The following CNTNAP2 variants were observed in gnomAD, a reference collection of about 807,000 sequenced individuals.
CNTNAP2 encodes the protein contactin associated protein 2.
Under a neutral mutation model 155.2 loss-of-function variants are expected in CNTNAP2, and 98 were observed. The observed-to-expected ratio is 0.63, with a 90% CI of 0.54 to 0.75. The LOEUF (loss-of-function observed/expected upper bound fraction) is 0.75. Ranked by LOEUF, CNTNAP2 falls within the 30% of genes least tolerant of loss-of-function variation. The pLI, the probability that CNTNAP2 is intolerant of heterozygous loss-of-function variation, is 0.00. For missense variants in CNTNAP2, 1,727 were observed against 1,688.1 expected (o/e 1.02, Z -0.40); for synonymous variants, 651 against 631.2 (o/e 1.03, Z -0.47).
chr7:146,958,527 C>G (rs1797487250), intron 3 of CNTNAP2, among the ~76,000 whole-genome samples: 1 of 150,280 alleles, frequency 6.7e-6, no homozygotes, highest in African/African-American at 2.5e-5. Flanking sequence ...CATTCTCCTG[C>G]CTCAGCCTCC....
intron 1 of CNTNAP2, among the ~76,000 whole-genome samples, chr7:146,770,078 A>G (rs1802265783): frequency 6.6e-6 from 1 of 152,168 alleles, no homozygotes; most frequent in South Asian, 2.1e-4. Flanking sequence ...CTCAACTAAC[A>G]ACAACCCTAC....
chr7:148,012,408 G>A (rs1041035542), intron 15 of CNTNAP2, among the ~76,000 whole-genome samples: 2 of 152,192 alleles, frequency 1.3e-5, no homozygotes, highest in African/African-American at 2.4e-5. Context: ...TGGGGAGATG[G>A]AGAAATGGAA....
chr7:148,241,033 C>T (rs965378393), intron 20 of CNTNAP2, among the ~76,000 whole-genome samples: 6 of 152,180 alleles, frequency 3.9e-5, no homozygotes, highest in Non-Finnish European at 7.4e-5. Flanking sequence ...AACACCCTCA[C>T]AGACACACCC....
At chr7:147,342,615 C>T (rs901938093) in intron 9 of CNTNAP2, among the ~76,000 whole-genome samples, 2 of 152,242 alleles carry the variant, frequency 1.3e-5, no homozygotes, top group African/African-American at 4.8e-5. Flanking sequence ...ATCAGTGAAA[C>T]CCGTAGCAAT....
At chr7:147,270,580 T>G (rs902061574) in intron 8 of CNTNAP2, among the ~76,000 whole-genome samples, 1 of 152,186 alleles carries the variant, frequency 6.6e-6, no homozygotes, top group Non-Finnish European at 1.5e-5. Context: ...TGTATGTACA[T>G]CGCCACCCAC....
intron 13 of CNTNAP2, among the ~76,000 whole-genome samples, chr7:147,751,300 C>T (rs953046295): frequency 2.0e-5 from 3 of 148,698 alleles, no homozygotes; most frequent in Non-Finnish European, 3.0e-5. Flanking sequence ...GTGGTTTTAA[C>T]CAAATCTCAA....
chr7:148,214,800 G>A (rs1476444275), intron 18 of CNTNAP2, among the ~76,000 whole-genome samples: 5 of 152,166 alleles, frequency 3.3e-5, no homozygotes, highest in Admixed American at 6.5e-5. Context: ...CAGTCTCCTG[G>A]CCTCGTGATC....
At chr7:148,262,715 A>T (rs1037025477) in intron 20 of CNTNAP2, among the ~76,000 whole-genome samples, 1 of 152,118 alleles carries the variant, frequency 6.6e-6, no homozygotes, top group Non-Finnish European at 1.5e-5. Flanking sequence ...ACATCTGTAA[A>T]GCCCCTCTTG....
chr7:147,866,774 G>A (rs1436233157), intron 13 of CNTNAP2, among the ~76,000 whole-genome samples: 1 of 147,020 alleles, frequency 6.8e-6, no homozygotes, highest in African/African-American at 2.5e-5. Context: ...TTTTGTTGTT[G>A]TTGTTGTTTT....
In CNTNAP2 at chr7:146,351,892, C is replaced by G. The variant is rs573812103; in HGVS notation, c.97+234919C>G. Among the ~76,000 whole-genome samples, 7 of 152,268 alleles carry G rather than the reference C, an allele frequency of 4.6e-5. No individual in the cohort carries two copies. The South Asian group carries it at 1.5e-3, about 32-fold the overall frequency. The stretch of plus-strand genomic sequence containing the variant: ...ATTCCCCAACTGTGAAAGGTAAAGT[C>G]CAGTCTCTATTGCTCTCTTGAGTTT... On this transcript the variant is annotated intron_variant, in intron 1 of 23. Coordinates refer to ENST00000361727, the MANE Select transcript of CNTNAP2 (RefSeq NM_014141.6).
chr7:147,888,752 G>C (rs1799638877), intron 13 of CNTNAP2, among the ~76,000 whole-genome samples: 1 of 151,288 alleles, frequency 6.6e-6, no homozygotes. Context: ...CATTGACCTT[G>C]AATATGCCAC....
chr7:146,859,428 G>A (rs138425540), intron 3 of CNTNAP2, among the ~76,000 whole-genome samples: 1,562 of 152,138 alleles, frequency 0.01, 27 homozygotes, highest in African/African-American at 0.034. Flanking sequence ...AGGCCAAGGC[G>A]GTTGGATCAC....
chr7:146,127,324 A>G (rs940563234), intron 1 of CNTNAP2, among the ~76,000 whole-genome samples: 1 of 152,190 alleles, frequency 6.6e-6, no homozygotes, highest in Non-Finnish European at 1.5e-5. Context: ...TCACAGGTGA[A>G]ATACTAAGAC....
rs181843046 is a variant in CNTNAP2 at position 146,773,173 on chromosome 7, T to A, written c.98-1098T>A. Among the ~76,000 whole-genome samples the A allele has an allele frequency of 2.6e-5, 4 of 151,246 alleles. No individual in the cohort carries two copies. In the East Asian group the frequency reaches 7.8e-4, roughly 30 times the overall value. On this transcript the variant is annotated intron_variant, in intron 1 of 23. Coordinates refer to ENST00000361727, the MANE Select transcript of CNTNAP2 (RefSeq NM_014141.6). ...GCGTTGGCAAAATGAGAAAGATCCA[T>A]CAAAGGAATCAGAGAGCAAGCAGCT...
intron 1 of CNTNAP2, among the ~76,000 whole-genome samples, chr7:146,721,612 A>G (rs1259267477): frequency 9.3e-6 from 1 of 107,830 alleles, no homozygotes; most frequent in Non-Finnish European, 1.7e-5. Flanking sequence ...TACATTCTAT[A>G]TATATATTCT....
intron 3 of CNTNAP2, among the ~76,000 whole-genome samples, chr7:146,995,862 C>T (rs1389757457): frequency 1.3e-5 from 2 of 152,030 alleles, no homozygotes; most frequent in Admixed American, 6.6e-5. Flanking sequence ...TATGCAGAAA[C>T]ATTTCAGATT....
intron 18 of CNTNAP2, among the ~76,000 whole-genome samples, chr7:148,202,774 A>G (rs1278388975): frequency 1.3e-5 from 2 of 152,194 alleles, no homozygotes; most frequent in Non-Finnish European, 2.9e-5. Context: ...TAAATTACAC[A>G]CATCGTGTGT....
Position 147,903,634 on chromosome 7 carries a change from C to T in CNTNAP2, c.2168C>T (p.Pro723Leu). Residue 723 changes from proline (P) to leucine (L), a missense_variant, in exon 14 of 24, where the codon CCT becomes CTT. Coordinates refer to ENST00000361727, the MANE Select transcript of CNTNAP2 (RefSeq NM_014141.6). Reference sequence around the variant, plus strand: ...CACTACTACTGGGGAGGCTCTGGGCCTGGAATCCAGAAATGTGCCTGCGGC... The same window carrying T: ...CACTACTACTGGGGAGGCTCTGGGCTTGGAATCCAGAAATGTGCCTGCGGC... ...EKHYYWGGSG[P>L]GIQKCACGIE... The T allele has an allele frequency of 6.2e-7, 1 of 1,614,136 alleles. No individual in the cohort carries two copies.
At chr7:147,626,673 C>T (rs543406253) in intron 12 of CNTNAP2, among the ~76,000 whole-genome samples, 69 of 152,316 alleles carry the variant, frequency 4.5e-4, no homozygotes, top group African/African-American at 1.6e-3. Context: ...GCAGCTGTTG[C>T]TGTCTTGGAA....
Sources: gnomAD v4.1 joint callset for allele counts (sites outside exome capture counted in the v4.1 genomes callset) on GRCh38, gnomAD v4.1.1 for gene constraint, MANE v1.5 for transcripts, NCBI Gene and HGNC (gene_info 2026-07-23, HGNC 2026-07-21) for gene names.